Variants in DARS2 observed in about 807,000 individuals in gnomAD.
DARS2 encodes the protein aspartate--tRNA ligase, mitochondrial.
Under a neutral mutation model 83.0 loss-of-function variants are expected in DARS2, and 63 were observed. The observed-to-expected ratio is 0.76, with a 90% confidence interval of 0.62 to 0.94. The LOEUF (loss-of-function observed/expected upper bound fraction) is 0.94, where lower values mean the gene tolerates loss of function less well. Among genes scored for constraint, DARS2 ranks in the 40% least tolerant of loss-of-function variants. The probability of loss-of-function intolerance (pLI) is 0.00; values close to 1 mark genes in which losing one functional copy is unlikely to be tolerated. For synonymous variants in DARS2, 250 were observed against 269.3 expected, an observed-to-expected ratio of 0.93 and a Z score of 0.70; for missense variants, 675 against 774.4, an observed-to-expected ratio of 0.87 and a Z score of 1.52.
At chr1:173,841,140 C>A (rs1022106653) in intron 11 of DARS2, among the ~76,000 whole-genome samples, 167 bp downstream of exon 11, 1 of 151,660 alleles carries the variant, frequency 6.6e-6, no homozygotes, top group South Asian at 2.1e-4. Flanking sequence ...TTTGGGAGGC[C>A]GAGGCGTGTG....
Position 173,844,983 on chromosome 1 carries a change from G to A in DARS2, c.1129-246G>A, listed in dbSNP as rs535093333. On this transcript the variant is annotated intron_variant, in intron 11 of 16. Transcript: ENST00000649689. ...TAATTTTTGTATTTTTAGTAGAGACGGGGTTTCACCATGTTGGTCGGGCTG... is the reference window on the plus strand; with the variant it reads ...TAATTTTTGTATTTTTAGTAGAGACAGGGTTTCACCATGTTGGTCGGGCTG... 2.6e-5 allele frequency among the ~76,000 whole-genome samples: 4 copies of A among 151,434 alleles called. No homozygotes were observed. The South Asian group carries it at 8.3e-4, about 32-fold the overall frequency.
intron 7 of DARS2, among the ~76,000 whole-genome samples, chr1:173,834,724 GTTTTTTTGTTTTTTTTTT>G (rs1410841118): frequency 6.8e-5 from 1 of 14,770 alleles, no homozygotes; most frequent in African/African-American, 2.6e-4. Context: ...TTTCCTTTGA[GTTTTTTTGTTTTTTTTTT>G]TTTTTTTTTT....
At chr1:173,839,245 A>G (rs1653119840) in intron 9 of DARS2, 122 bp from the exon 10 acceptor site, 1 of 834,898 alleles carries the variant, frequency 1.2e-6, no homozygotes, top group Non-Finnish European at 2.0e-6. Flanking sequence ...GAGATGTACA[A>G]TAATATTTAT....
rs1064797125 is a variant in DARS2, at chr1:173,853,799, G to A, written c.1568G>A (p.Arg523His). The A allele has an allele frequency of 1.1e-5, 17 of 1,613,524 alleles. No homozygotes were observed. Among genetic ancestry groups the A allele is most frequent in the East Asian group, 2.2e-5 (1 of 44,888 alleles). ...AAGTATCTGTGAATCTTCTAGGCCC[G>A]TAGCCAACACTATGACTTGGTTTTA... Reference protein sequence around the residue: ...HLLYTEPKKARSQHYDLVLNG... With the variant: ...HLLYTEPKKAHSQHYDLVLNG... Residue 523 changes from arginine (R) to histidine (H), a missense_variant, in exon 15 of 17, where the codon CGT (arginine) becomes CAT (histidine). Physicochemically the swap from Arg to His is conservative, Grantham distance 29. Coordinates refer to ENST00000649689, the MANE Select transcript of DARS2 (RefSeq NM_018122.5).
chr1:173,857,583 A>G lies in DARS2; in HGVS notation c.1816A>G (p.Lys606Glu). ...CATCAGAGATGTCATAGCCTTCCCA[A>G]AGTCCTTCCGGGGACATGACCTCAT... ...PSIRDVIAFP[K>E]SFRGHDLMSN... Residue 606 changes from lysine to glutamate, a missense_variant, in exon 17 of 17, where the codon AAG becomes GAG. Lys to Glu is a moderately conservative substitution (Grantham distance 56, BLOSUM62 1). Transcript: ENST00000649689. 6.2e-7 allele frequency: 1 copy of G among 1,614,156 alleles called. No individual in the cohort carries two copies. The highest frequency in any genetic ancestry group is 8.5e-7 in the Non-Finnish European group (1 of 1,180,022).
Position 173,840,886 on chromosome 1 carries a change from G to A in DARS2, c.1041G>A (p.Val347=). The change falls in exon 11 of 17, where the codon GTG becomes GTA. Residue 347 remains valine, a synonymous_variant. Coordinates refer to ENST00000649689, the MANE Select transcript of DARS2 (RefSeq NM_018122.5). ...FGMKIIDISD[V]FRNTEIGFLQ... ...TCCAGATTATAGATATCAGTGATGT[G>A]TTTAGAAACACAGAGATTGGATTTC... 2 of 1,608,732 alleles carry A rather than the reference G, an allele frequency of 1.2e-6. No homozygotes were observed. The highest frequency in any genetic ancestry group is 1.3e-5 in the African/African-American group (1 of 74,908).
At chr1:173,842,656 T>C (rs908446947) in intron 11 of DARS2, among the ~76,000 whole-genome samples, 1 of 149,076 alleles carries the variant, frequency 6.7e-6, no homozygotes, top group Non-Finnish European at 1.5e-5. Context: ...TTTATTGTCA[T>C]GCGGGGCACG....
chr1:173,825,552 TC>T (rs1652481098), intron 1 of DARS2, among the ~76,000 whole-genome samples, 196 bp downstream of exon 1: 1 of 151,756 alleles, frequency 6.6e-6, no homozygotes, highest in Admixed American at 6.6e-5. Context: ...CACTGCAAGC[TC>T]CGCCTCCCGG....
chr1:173,834,560 T>C, intron 7 of DARS2, 41 bp downstream of exon 7: 1 of 1,487,496 alleles, frequency 6.7e-7, no homozygotes, highest in African/African-American at 1.4e-5. Flanking sequence ...TAATGTCCTA[T>C]TAGTTATAAA....
At chr1:173,825,969 TC>T (rs1652525192) in intron 1 of DARS2, among the ~76,000 whole-genome samples, 1 of 150,920 alleles carries the variant, frequency 6.6e-6, no homozygotes, top group South Asian at 2.1e-4. Flanking sequence ...ACGTCGTTAA[TC>T]CCAGCACTTT....
chr1:173,842,549 C>T (rs1354231535), intron 11 of DARS2, among the ~76,000 whole-genome samples: 24 of 149,898 alleles, frequency 1.6e-4, no homozygotes, highest in African/African-American at 5.3e-4. Flanking sequence ...GTGATCCACC[C>T]GCCTCGGCCT....
At position 173,828,312 on chromosome 1, in the gene DARS2, T is replaced by TC. The variant is rs367543010; in HGVS notation, c.228-21_228-20insC. On this transcript the variant is annotated intron_variant, in intron 2 of 16. Transcript: ENST00000649689. ...GAGATTTTATCTTAAAATGTTTCTT[T>TC]TCCCCCCCCCCATTAATCAGGCAAA... The TC allele has an allele frequency of 3.6e-3, 5,589 of 1,547,144 alleles. 52 individuals are homozygous for TC. The highest frequency in any genetic ancestry group is 0.035 in the South Asian group (2,950 of 85,076).
In DARS2 at chr1:173,833,495, G is replaced by T. The variant is rs1652870560; in HGVS notation, c.612G>T (p.Leu204=). ...AAATGCGGGAATATCTCTGTAATCT[G>T]CATGGTAAGAGAAATGCCTGGATGC... The part of the protein sequence containing the change: ...VMKMREYLCN[L]HGFVDIETPT... The change falls in exon 6 of 17, where the codon CTG becomes CTT. Residue 204 remains leucine (L), a synonymous_variant. Coordinates refer to ENST00000649689, the MANE Select transcript of DARS2 (RefSeq NM_018122.5). 1 of 1,614,018 alleles carries T rather than the reference G, an allele frequency of 6.2e-7. No homozygotes were observed. Among genetic ancestry groups the T allele is most frequent in the African/African-American group, 1.3e-5 (1 of 74,926 alleles).
chr1:173,847,258 G>A (rs1038412889), intron 12 of DARS2, among the ~76,000 whole-genome samples: 2 of 152,068 alleles, frequency 1.3e-5, no homozygotes, highest in Admixed American at 1.3e-4. Flanking sequence ...GCGGGGGGAT[G>A]AAATATGTCT....
chr1:173,847,066 G>T (rs879110488), intron 12 of DARS2, among the ~76,000 whole-genome samples: 3 of 151,896 alleles, frequency 2.0e-5, no homozygotes, highest in Admixed American at 2.0e-4. Context: ...TATTTCCCAA[G>T]CCTCATACCT....
At chr1:173,833,570 T>A (rs1281325141) in intron 6 of DARS2, 71 bp downstream of exon 6, 12 of 1,589,874 alleles carry the variant, frequency 7.5e-6, no homozygotes, top group Non-Finnish European at 1.0e-5. Flanking sequence ...AGTTTTATTG[T>A]ATCCTTTCCT....
rs188289547 is a variant in DARS2, at chr1:173,831,778, A to G, written c.492+148A>G. On this transcript the variant is annotated intron_variant, in intron 5 of 16. Coordinates refer to ENST00000649689, the MANE Select transcript of DARS2 (RefSeq NM_018122.5). The stretch of plus-strand genomic sequence containing the variant: ...CATCATGAAGTGTTCTCTTAGTTCT[A>G]CAACTTCTTGGCACACTGTCCTGAA... 703 of 683,914 alleles carry G rather than the reference A, an allele frequency of 1.0e-3. 3 individuals carry two copies. Among genetic ancestry groups the G allele is most frequent in the Admixed American group, 3.0e-3 (120 of 39,622 alleles). The allele number at this position is 683,914 out of a possible 1,614,324, so 42.4% of individuals were successfully genotyped here.
chr1:173,842,367 T>C (rs1653263348), intron 11 of DARS2, among the ~76,000 whole-genome samples: 1 of 136,942 alleles, frequency 7.3e-6, no homozygotes, highest in African/African-American at 2.7e-5. Flanking sequence ...GGCGCGATCT[T>C]GGCTTACTGC....
In DARS2 at chr1:173,830,773, C is replaced by T. The variant is rs764627059; in HGVS notation, c.396+12C>T. ...GACAAGAGAATCCAGTAGGTAGTTT[C>T]GAAGATATCTGTGTAATTTTTGCTT... On this transcript the variant is annotated intron_variant, in intron 4 of 16. Transcript: ENST00000649689. 2.1e-5 allele frequency: 34 copies of T among 1,607,156 alleles called. No homozygotes were observed. Among genetic ancestry groups the T allele is most frequent in the Middle Eastern group, 1.6e-4 (1 of 6,070 alleles).
Sources: allele counts gnomAD v4.1 joint callset (sites outside exome capture counted in the v4.1 genomes callset), GRCh38; gene constraint gnomAD v4.1.1; transcripts MANE v1.5; gene names NCBI Gene and HGNC (gene_info 2026-07-23, HGNC 2026-07-21).